The following OSBPL6 variants were observed in gnomAD, a reference collection of about 807,000 sequenced individuals.
OSBPL6 encodes the protein oxysterol binding protein like 6.
Under a neutral mutation model 125.8 loss-of-function variants are expected in OSBPL6, and 49 were observed. The ratio of observed to expected loss-of-function variants is 0.39; its 90% CI spans 0.31 to 0.49. The LOEUF is 0.49. Ranked by LOEUF, OSBPL6 falls within the 20% of genes least tolerant of loss-of-function variation. The probability of loss-of-function intolerance (pLI) is 0.88; values close to 1 mark genes in which losing one functional copy is unlikely to be tolerated. For synonymous variants in OSBPL6, 394 were observed against 391.8 expected, an observed-to-expected ratio of 1.01 and a Z score of -0.07; for missense variants, 986 against 1,135.4, an observed-to-expected ratio of 0.87 and a Z score of 1.89.
chr2:178,286,243 T>C (rs1277560630), intron 2 of OSBPL6, among the ~76,000 whole-genome samples: 1 of 152,242 alleles, frequency 6.6e-6, no homozygotes, highest in Non-Finnish European at 1.5e-5. Context: ...AAATCTGGTC[T>C]TGTTACTATC....
At chr2:178,384,914 G>A (rs911462814) in intron 18 of OSBPL6, among the ~76,000 whole-genome samples, 3 of 151,936 alleles carry the variant, frequency 2.0e-5, no homozygotes, top group Non-Finnish European at 4.4e-5. Flanking sequence ...ATCTTTTTTA[G>A]GAATAAAATG....
upstream of OSBPL6, among the ~76,000 whole-genome samples, chr2:178,194,083 G>A (rs2088683100): frequency 6.6e-6 from 1 of 152,214 alleles, no homozygotes; most frequent in Non-Finnish European, 1.5e-5. Context: ...GCCGAGCGCT[G>A]GAGCCGTTCT....
chr2:178,248,512 A>C lies in OSBPL6; in HGVS notation c.-350-36415A>C, dbSNP rs114664373. 1.7e-3 allele frequency among the ~76,000 whole-genome samples: 256 copies of C among 152,168 alleles called. 1 individual carries two copies. Among genetic ancestry groups the C allele is most frequent in the African/African-American group, 5.3e-3 (221 of 41,518 alleles). The stretch of plus-strand genomic sequence containing the variant: ...ACATATAATCCAATTTGTAACCCTG[A>C]TGTTAGTTGTTTTGGGGTTAGGAAA... On this transcript the variant is annotated intron_variant, in intron 1 of 24. Transcript: ENST00000190611.
At chr2:178,298,682 C>T (rs1685976983) in intron 2 of OSBPL6, among the ~76,000 whole-genome samples, 1 of 147,400 alleles carries the variant, frequency 6.8e-6, no homozygotes, top group Non-Finnish European at 1.5e-5. Context: ...CATGCCCAGC[C>T]TATTTTTAGT....
At chr2:178,339,640 C>T (rs1690020622) in intron 10 of OSBPL6, 32 bp from the exon 11 acceptor site, 2 of 1,530,370 alleles carry the variant, frequency 1.3e-6, no homozygotes, top group Admixed American at 2.0e-5. Flanking sequence ...CTTAATAATA[C>T]TTTGTTGCTT....
At chr2:178,312,157 ATTTTTTT>A (rs67156772) in intron 3 of OSBPL6, among the ~76,000 whole-genome samples, 1 of 101,208 alleles carries the variant, frequency 9.9e-6, no homozygotes, top group Non-Finnish European at 2.0e-5. Context: ...GATTTTTGTA[ATTTTTTT>A]TTTTTTTTTT....
chr2:178,221,397 A>T (rs796978480), intron 1 of OSBPL6, among the ~76,000 whole-genome samples: 31 of 152,328 alleles, frequency 2.0e-4, no homozygotes, highest in African/African-American at 7.0e-4. Context: ...TTGTAAAGAT[A>T]ATATACAGCT....
rs200423026 is a variant in OSBPL6 at position 178,374,032 on chromosome 2, G to A, written c.1533+5G>A. On this transcript the variant is annotated splice_donor_5th_base_variant and intron_variant, in intron 15 of 24. Transcript: ENST00000190611. ...GCAAGTTCGTCAGAGAATGAGGTAT[G>A]TATGCCTCCTTGACTTGTTGGCCTC... The A allele has an allele frequency of 1.2e-6, 2 of 1,613,464 alleles. No homozygotes were observed. Among genetic ancestry groups the A allele is most frequent in the East Asian group, 2.2e-5 (1 of 44,870 alleles).
At chr2:178,340,581 A>G (rs1396085685) in intron 11 of OSBPL6, among the ~76,000 whole-genome samples, 4 of 152,110 alleles carry the variant, frequency 2.6e-5, no homozygotes, top group Non-Finnish European at 5.9e-5. Context: ...TCTTTAAACT[A>G]GAATCTCCAT....
intron 3 of OSBPL6, among the ~76,000 whole-genome samples, chr2:178,308,712 C>T (rs1294347448): frequency 1.3e-5 from 2 of 152,180 alleles, no homozygotes; most frequent in Non-Finnish European, 2.9e-5. Flanking sequence ...CAATGTCTGT[C>T]TTTCTCCTTT....
At chr2:178,296,718 T>C (rs189107324) in intron 2 of OSBPL6, among the ~76,000 whole-genome samples, 107 of 152,250 alleles carry the variant, frequency 7.0e-4, no homozygotes, top group East Asian at 3.5e-3. Context: ...AGCTCACCAC[T>C]AGATACGTGC....
chr2:178,358,089 A>C (rs1691981279), intron 12 of OSBPL6, among the ~76,000 whole-genome samples: 1 of 151,980 alleles, frequency 6.6e-6, no homozygotes, highest in Non-Finnish European at 1.5e-5. Flanking sequence ...TCCAGGGGTG[A>C]GGGGCTGGGG....
chr2:178,226,022 A>G (rs889784760), intron 1 of OSBPL6, among the ~76,000 whole-genome samples: 3 of 152,168 alleles, frequency 2.0e-5, no homozygotes, highest in Non-Finnish European at 2.9e-5. Flanking sequence ...AAGGAAGGCA[A>G]AGCAGCCCGG....
intron 23 of OSBPL6, 42 bp downstream of exon 23, chr2:178,392,580 G>A (rs749641949): frequency 3.1e-6 from 5 of 1,604,402 alleles, no homozygotes; most frequent in East Asian, 2.2e-5. Context: ...CTATGGCTGG[G>A]TGCAGTAGCT....
chr2:178,376,970 C>T (rs1435123183), intron 15 of OSBPL6, among the ~76,000 whole-genome samples: 2 of 152,150 alleles, frequency 1.3e-5, no homozygotes, highest in East Asian at 1.9e-4. Context: ...GGGGGTAGGC[C>T]AGCAGATAAA....
intron 1 of OSBPL6, among the ~76,000 whole-genome samples, chr2:178,227,183 A>G (rs939312205): frequency 2.6e-5 from 4 of 152,266 alleles, no homozygotes; most frequent in African/African-American, 9.6e-5. Context: ...AAGGAAATAC[A>G]TATGGCTAAG....
intron 15 of OSBPL6, among the ~76,000 whole-genome samples, chr2:178,381,457 G>A (rs1037750282): frequency 2.0e-5 from 3 of 152,092 alleles, no homozygotes; most frequent in Non-Finnish European, 2.9e-5. Context: ...GGGTTCAAGC[G>A]ATTCTCCTGC....
At position 178,397,542 on chromosome 2, in the gene OSBPL6, G is replaced by T. The variant is rs1695923463; in HGVS notation, c.*1983G>T. The T allele has an allele frequency of 6.6e-6, 1 of 152,140 alleles. No individual in the cohort carries two copies. Among genetic ancestry groups the T allele is most frequent in the Non-Finnish European group, 1.5e-5 (1 of 68,026 alleles). The allele number at this position is 152,140 out of a possible 1,614,324, so 9.4% of individuals were successfully genotyped here. A position where few individuals can be genotyped will look rare whatever the true frequency, so the allele number is the denominator to read the frequency against. On this transcript the variant is annotated 3_prime_UTR_variant, in exon 25 of 25. Coordinates refer to ENST00000190611, the MANE Select transcript of OSBPL6 (RefSeq NM_032523.4). The stretch of plus-strand genomic sequence containing the variant: ...TCCTCACGGGAGTCTGTTCTCCTAT[G>T]GTTGATAAAGCTTTAAATACTATTT...
chr2:178,387,186 A>G, intron 20 of OSBPL6, 47 bp downstream of exon 20: 1 of 1,396,870 alleles, frequency 7.2e-7, no homozygotes, highest in African/African-American at 1.4e-5. Flanking sequence ...GCTTTTCTAA[A>G]TCATAAATGG....
Sources: allele counts gnomAD v4.1 joint callset (sites outside exome capture counted in the v4.1 genomes callset), GRCh38; gene constraint gnomAD v4.1.1; transcripts MANE v1.5; gene names NCBI Gene and HGNC (gene_info 2026-07-23, HGNC 2026-07-21).